Variants in TRDN observed in about 807,000 individuals in gnomAD.
TRDN encodes triadin in skeletal muscle.
Under a neutral mutation model 149.7 loss-of-function variants are expected in TRDN, and 161 were observed. That is an observed-to-expected ratio of 1.08 (90% CI 0.95 to 1.23). TRDN has a LOEUF of 1.23. Ranked by LOEUF, TRDN falls within the 50% of genes most tolerant of loss-of-function variation. TRDN has a pLI of 0.00. For synonymous variants in TRDN, 294 were observed against 250.5 expected, an observed-to-expected ratio of 1.17 and a Z score of -1.64; for missense variants, 896 against 823.5, an observed-to-expected ratio of 1.09 and a Z score of -1.08.
At position 123,557,503 on chromosome 6, in the gene TRDN, C is replaced by T. The variant is rs551864697; in HGVS notation, c.233-8891G>A. 5.3e-5 allele frequency among the ~76,000 whole-genome samples: 8 copies of T among 152,222 alleles called. No individual in the cohort carries two copies. In the East Asian group the frequency reaches 1.6e-3, roughly 30 times the overall value. On this transcript the variant is annotated intron_variant, in intron 2 of 40. Transcript: ENST00000334268. ...ATCTTGGCGCCACACTTCAATCTCTCCCTTCTCTTAATTTCAGTTCCTTTC... is the reference window on the plus strand; with the variant it reads ...ATCTTGGCGCCACACTTCAATCTCTTCCTTCTCTTAATTTCAGTTCCTTTC...
chr6:123,352,937 T>A (rs772788134), intron 20 of TRDN, among the ~76,000 whole-genome samples: 4 of 151,868 alleles, frequency 2.6e-5, no homozygotes, highest in Non-Finnish European at 5.9e-5. Flanking sequence ...GTCTTGTAAA[T>A]GTCAACTAGA....
At chr6:123,579,861 G>A (rs1444160371) in intron 1 of TRDN, among the ~76,000 whole-genome samples, 1 of 152,120 alleles carries the variant, frequency 6.6e-6, no homozygotes, top group Admixed American at 6.6e-5. Flanking sequence ...AAGGGGCTCT[G>A]CCCCCTCCCT....
chr6:123,466,481 G>A (rs939547271), intron 9 of TRDN, among the ~76,000 whole-genome samples: 8 of 152,048 alleles, frequency 5.3e-5, no homozygotes, highest in Non-Finnish European at 8.8e-5. Context: ...TTCAATGCAG[G>A]TTCCCAAGTT....
At chr6:123,455,210 G>T (rs555201865) in intron 10 of TRDN, among the ~76,000 whole-genome samples, 5 of 152,132 alleles carry the variant, frequency 3.3e-5, no homozygotes, top group African/African-American at 1.2e-4. Flanking sequence ...ATTTCAAATT[G>T]CAAAAATGTT....
At chr6:123,401,017 T>C (rs968528527) in intron 12 of TRDN, among the ~76,000 whole-genome samples, 4 of 152,110 alleles carry the variant, frequency 2.6e-5, no homozygotes, top group East Asian at 1.9e-4. Context: ...CATCCCGAAA[T>C]GTTATTGCGT....
At chr6:123,491,639 A>G (rs1176711276) in intron 9 of TRDN, among the ~76,000 whole-genome samples, 1 of 152,192 alleles carries the variant, frequency 6.6e-6, no homozygotes, top group Admixed American at 6.5e-5. Flanking sequence ...TCTTCATTGT[A>G]TACTTATCAA....
intron 40 of TRDN, among the ~76,000 whole-genome samples, chr6:123,219,620 C>A (rs1210334757): frequency 6.6e-6 from 1 of 151,814 alleles, no homozygotes; most frequent in Non-Finnish European, 1.5e-5. Flanking sequence ...GCTGGAGAAG[C>A]AACCAGGGAG....
At chr6:123,259,488 TTATGA>T (rs1008416564) in intron 35 of TRDN, 131 bp downstream of exon 35, 2 of 614,422 alleles carry the variant, frequency 3.3e-6, no homozygotes, top group African/African-American at 1.9e-5. Flanking sequence ...TGTACTATAA[TTATGA>T]TATGTGCTAT....
intron 4 of TRDN, among the ~76,000 whole-genome samples, chr6:123,539,587 A>G (rs1045192601): frequency 6.6e-5 from 10 of 152,182 alleles, no homozygotes; most frequent in African/African-American, 2.4e-4. Flanking sequence ...TCCTTGTTGC[A>G]TTCATTCAAG....
At chr6:123,288,040 C>T (rs1234259908) in intron 24 of TRDN, among the ~76,000 whole-genome samples, 1 of 151,636 alleles carries the variant, frequency 6.6e-6, no homozygotes, top group Admixed American at 6.6e-5. Context: ...CCCTATTATG[C>T]ATAGATTAAT....
At chr6:123,382,007 C>G in intron 15 of TRDN, 111 bp downstream of exon 15, 27 of 420,944 alleles carry the variant, frequency 6.4e-5, no homozygotes, top group East Asian at 4.1e-4. Context: ...ATCATTTTTT[C>G]TTCTCCTCTA....
rs1292250256 is a variant in TRDN at position 123,239,003 on chromosome 6, G to A, written c.1975+13409C>T. Among the ~76,000 whole-genome samples, 4 of 151,958 alleles carry A rather than the reference G, an allele frequency of 2.6e-5. No homozygotes were observed. The East Asian group carries it at 5.8e-4, about 22-fold the overall frequency. ...CTACAGGCACACACCACCACGCCAC[G>A]CTAATTTTTTGTATTTTAGTAGAGA... On this transcript the variant is annotated intron_variant, in intron 38 of 40. Coordinates refer to ENST00000334268, the MANE Select transcript of TRDN (RefSeq NM_006073.4).
At chr6:123,455,786 TAA>T (rs1207876347) in intron 10 of TRDN, among the ~76,000 whole-genome samples, 2 of 152,184 alleles carry the variant, frequency 1.3e-5, no homozygotes, top group Non-Finnish European at 1.5e-5. Flanking sequence ...AACATAAATA[TAA>T]GTTTCTTTTC....
At chr6:123,465,066 C>G in intron 9 of TRDN, 83 bp from the exon 10 acceptor site, 2 of 1,393,534 alleles carry the variant, frequency 1.4e-6, no homozygotes, top group Non-Finnish European at 1.9e-6. Context: ...GATCTGTCCC[C>G]TACATGCATA....
At chr6:123,343,245 T>A (rs985087571) in intron 21 of TRDN, among the ~76,000 whole-genome samples, 15 of 152,068 alleles carry the variant, frequency 9.9e-5, no homozygotes, top group African/African-American at 3.4e-4. Context: ...TATTACACTT[T>A]TATGCCCATT....
intron 13 of TRDN, 98 bp downstream of exon 13, chr6:123,393,526 A>G: frequency 9.7e-7 from 1 of 1,027,350 alleles, no homozygotes; most frequent in African/African-American, 1.7e-5. Flanking sequence ...ATCCCAGCAG[A>G]TGGTGCTATT....
At chr6:123,302,288 T>A (rs2114672739) in intron 24 of TRDN, among the ~76,000 whole-genome samples, 1 of 152,194 alleles carries the variant, frequency 6.6e-6, no homozygotes, top group Non-Finnish European at 1.5e-5. Flanking sequence ...TATGTAAAAT[T>A]TTTAGCCAAC....
At chr6:123,370,277 A>G (rs894391585) in intron 19 of TRDN, among the ~76,000 whole-genome samples, 5 of 151,930 alleles carry the variant, frequency 3.3e-5, no homozygotes, top group Non-Finnish European at 7.4e-5. Flanking sequence ...ATGGGTTTTT[A>G]TTACATGTAT....
At chr6:123,370,913 C>CG (rs2114377065) in intron 19 of TRDN, among the ~76,000 whole-genome samples, 1 of 131,278 alleles carries the variant, frequency 7.6e-6, no homozygotes, top group Admixed American at 7.6e-5. Context: ...AGGTCTTTGT[C>CG]TTTTTTTTTT....
Sources: allele counts gnomAD v4.1 joint callset (sites outside exome capture counted in the v4.1 genomes callset), GRCh38; gene constraint gnomAD v4.1.1; transcripts MANE v1.5; gene names NCBI Gene and HGNC (gene_info 2026-07-23, HGNC 2026-07-21).